The following SIDT1 variants were observed in gnomAD, a reference collection of about 807,000 sequenced individuals.
SIDT1 encodes SID1 transmembrane family, member 1.
SIDT1 carries 101 observed loss-of-function variants against 107.5 expected under a neutral mutation model. That is an observed-to-expected ratio of 0.94 (90% CI 0.80 to 1.11). The LOEUF is 1.11. SIDT1 is among the 50% of genes least tolerant of loss of function. The pLI is 0.00. For synonymous variants in SIDT1, 395 were observed against 398.2 expected, an observed-to-expected ratio of 0.99 and a Z score of 0.10; for missense variants, 1,076 against 1,058.2, an observed-to-expected ratio of 1.02 and a Z score of -0.23.
chr3:113,634,856 G>T, the SIDT1 span, among the ~76,000 whole-genome samples: 1 of 152,094 alleles, frequency 6.6e-6, no homozygotes, highest in Admixed American at 6.6e-5. Context: ...AAATACGGAA[G>T]ACATATGCCT....
intron 1 of SIDT1, among the ~76,000 whole-genome samples, chr3:113,555,042 A>G (rs569805285): frequency 4.1e-4 from 62 of 152,310 alleles, no homozygotes; most frequent in South Asian, 2.9e-3. Flanking sequence ...CTGCCCCAAC[A>G]TGACTTATAA....
chr3:113,623,518 T>C lies in SIDT1; in HGVS notation c.2182T>C (p.Tyr728His). 1 of 1,613,608 alleles carries C rather than the reference T, an allele frequency of 6.2e-7. No individual in the cohort carries two copies. The highest frequency in any genetic ancestry group is 2.2e-5 in the East Asian group (1 of 44,878). ...ICNLLLYLAF[Y>H]IIMKLRSSEK... Reference sequence around the variant, plus strand: ...TAACCTTTTGCTGTACCTGGCCTTTTACATCATCATGAAGGTAAGAGCGGG... The same window carrying C: ...TAACCTTTTGCTGTACCTGGCCTTTCACATCATCATGAAGGTAAGAGCGGG... Residue 728 changes from tyrosine to histidine, a missense_variant, in exon 22 of 25, where the codon TAC (tyrosine) becomes CAC (histidine). Physicochemically the swap from Tyr to His is moderately conservative, Grantham distance 83 (BLOSUM62 2). Transcript: ENST00000264852.
chr3:113,538,921 T>C (rs1938497606), intron 1 of SIDT1, among the ~76,000 whole-genome samples: 1 of 152,222 alleles, frequency 6.6e-6, no homozygotes, highest in South Asian at 2.1e-4. Context: ...TCTGATTGTG[T>C]CTTTTTTTTA....
chr3:113,581,365 C>A lies in SIDT1; in HGVS notation c.668C>A (p.Pro223Gln). Residue 223 changes from proline to glutamine, a missense_variant, in exon 6 of 25, where the codon CCG (proline) becomes CAG (glutamine). Transcript: ENST00000264852. The part of the protein sequence containing the change: ...SVVSVQNIMC[P>Q]VYDLDHNVEF... The stretch of plus-strand genomic sequence containing the variant: ...TATTCCTCATGCATGCTGCAGTGCC[C>A]GGTGTATGATCTCGACCACAATGTG... 6.2e-7 allele frequency: 1 copy of A among 1,613,444 alleles called. No individual in the cohort carries two copies. Among genetic ancestry groups the A allele is most frequent in the South Asian group, 1.1e-5 (1 of 91,070 alleles).
intron 9 of SIDT1, among the ~76,000 whole-genome samples, chr3:113,585,768 G>T (rs1943698445): frequency 6.6e-6 from 1 of 152,146 alleles, no homozygotes; most frequent in African/African-American, 2.4e-5. Flanking sequence ...TTCTGTTGTA[G>T]CATCAATTTT....
chr3:113,563,392 C>G (rs887577632), intron 1 of SIDT1, among the ~76,000 whole-genome samples: 20 of 152,128 alleles, frequency 1.3e-4, no homozygotes, highest in Non-Finnish European at 2.5e-4. Context: ...AAAATAGGAG[C>G]AAATTCTTCA....
At chr3:113,556,058 A>G (rs1339179818) in intron 1 of SIDT1, among the ~76,000 whole-genome samples, 14 of 152,264 alleles carry the variant, frequency 9.2e-5, no homozygotes, top group Non-Finnish European at 2.9e-5. Context: ...GGAGATAGGT[A>G]GTCTGGTGTT....
In SIDT1 at chr3:113,610,717, C is replaced by T. The variant is rs182249959; in HGVS notation, c.1721-291C>T. Among the ~76,000 whole-genome samples, 14 of 152,260 alleles carry T rather than the reference C, an allele frequency of 9.2e-5. No individual in the cohort carries two copies. In the East Asian group the frequency reaches 1.7e-3, roughly 19 times the overall value. On this transcript the variant is annotated intron_variant, in intron 17 of 24. Coordinates refer to ENST00000264852, the MANE Select transcript of SIDT1 (RefSeq NM_017699.3). ...CAAGTGGGGGTAGTTGTTTGTTTATCATATCAGACACTCCTTCTGTGAAAG... is the reference window on the plus strand; with the variant it reads ...CAAGTGGGGGTAGTTGTTTGTTTATTATATCAGACACTCCTTCTGTGAAAG...
At chr3:113,540,182 G>T (rs12695292) in intron 1 of SIDT1, among the ~76,000 whole-genome samples, 20,723 of 151,884 alleles carry the variant, frequency 0.14, 1,998 homozygotes, top group African/African-American at 0.27. Context: ...AGGCTCTTTT[G>T]AACAACCAAC....
chr3:113,582,849 T>C (rs1943464408), intron 6 of SIDT1, among the ~76,000 whole-genome samples: 1 of 143,584 alleles, frequency 7.0e-6, no homozygotes, highest in Non-Finnish European at 1.6e-5. Flanking sequence ...TTGGGGATGA[T>C]TTTTTTTTAA....
chr3:113,618,134 C>T (rs1361720365), intron 20 of SIDT1, among the ~76,000 whole-genome samples: 2 of 152,174 alleles, frequency 1.3e-5, no homozygotes, highest in Non-Finnish European at 2.9e-5. Flanking sequence ...TTTCTATTGG[C>T]AGAGTTTTTC....
At chr3:113,596,053 C>A (rs896112653) in intron 10 of SIDT1, among the ~76,000 whole-genome samples, 1 of 152,188 alleles carries the variant, frequency 6.6e-6, no homozygotes, top group African/African-American at 2.4e-5. Flanking sequence ...ATCAGCATGA[C>A]CATGGGGCAC....
At position 113,620,257 on chromosome 3, in the gene SIDT1, T is replaced by G. The variant is rs532381589; in HGVS notation, c.2090+531T>G. Among the ~76,000 whole-genome samples the G allele has an allele frequency of 2.0e-5, 3 of 151,546 alleles. No homozygotes were observed. In the South Asian group the frequency reaches 6.3e-4, roughly 32 times the overall value. ...CTCTTTTATTTCTTTCCCTCCAGTC[T>G]CTTTCTTTCTACCTACATCATTCTT... is the stretch of plus-strand genomic sequence containing the variant. On this transcript the variant is annotated intron_variant, in intron 21 of 24. Coordinates refer to ENST00000264852, the MANE Select transcript of SIDT1 (RefSeq NM_017699.3).
intron 14 of SIDT1, 153 bp from the exon 15 acceptor site, chr3:113,606,888 G>T: frequency 1.8e-6 from 1 of 559,196 alleles, no homozygotes; most frequent in Non-Finnish European, 3.3e-6. Flanking sequence ...GTGTAAGGTG[G>T]CAGATAATGG....
chr3:113,538,414 T>TTGAGATTCTGTAAG (rs2107575950), intron 1 of SIDT1, among the ~76,000 whole-genome samples: 1 of 152,358 alleles, frequency 6.6e-6, no homozygotes, highest in East Asian at 1.9e-4. Context: ...GCCTGTGCTG[T>TTGAGATTCTGTAAG]CCAGTGGCTA....
At chr3:113,605,609 A>G (rs1482375724) in intron 14 of SIDT1, among the ~76,000 whole-genome samples, 1 of 152,218 alleles carries the variant, frequency 6.6e-6, no homozygotes, top group African/African-American at 2.4e-5. Flanking sequence ...ATTATGGGAC[A>G]ATGAGTAGAG....
Position 113,595,682 on chromosome 3 carries a change from C to T in SIDT1, c.1045+2634C>T, listed in dbSNP as rs904891576. Among the ~76,000 whole-genome samples, 8 of 151,916 alleles carry T rather than the reference C, an allele frequency of 5.3e-5. No individual in the cohort carries two copies. The South Asian group carries it at 1.0e-3, about 20-fold the overall frequency. ...AACCATGGACCTAAACACATGAAGA[C>T]ACCTAAATAACACACCAGCTTAGGT... On this transcript the variant is annotated intron_variant, in intron 10 of 24. Transcript: ENST00000264852.
intron 1 of SIDT1, among the ~76,000 whole-genome samples, chr3:113,557,266 G>C (rs530341661): frequency 6.6e-6 from 1 of 152,342 alleles, no homozygotes; most frequent in African/African-American, 2.4e-5. Context: ...GGGAAAGGTA[G>C]AGTTTTGGAG....
Position 113,593,155 on chromosome 3 carries a change from C to T in SIDT1, c.1045+107C>T, listed in dbSNP as rs370704869. 267 of 937,110 alleles carry T rather than the reference C, an allele frequency of 2.8e-4. 1 individual carries two copies. The highest frequency in any genetic ancestry group is 9.2e-4 in the African/African-American group (57 of 61,708). The allele number at this position is 937,110 out of a possible 1,614,324, so 58.0% of individuals were successfully genotyped here. A position where few individuals can be genotyped will look rare whatever the true frequency, so the allele number is the denominator to read the frequency against. On this transcript the variant is annotated intron_variant, in intron 10 of 24. Coordinates refer to ENST00000264852, the MANE Select transcript of SIDT1 (RefSeq NM_017699.3). The stretch of plus-strand genomic sequence containing the variant: ...GCCTTTTGCAATTTACAAACCCTCC[C>T]TTGATTCCTATCCCGCAGAGTAGTC...
Sources: allele counts gnomAD v4.1 joint callset (sites outside exome capture counted in the v4.1 genomes callset), GRCh38; gene constraint gnomAD v4.1.1; transcripts MANE v1.5; gene names NCBI Gene and HGNC (gene_info 2026-07-23, HGNC 2026-07-21).